Variants in USP37 observed in about 807,000 individuals in gnomAD.
USP37 encodes ubiquitin carboxyl-terminal hydrolase 37.
A neutral mutation model predicts 124.0 loss-of-function variants in USP37; 27 were observed. The ratio of observed to expected loss-of-function variants is 0.22; its 90% CI spans 0.16 to 0.30. The LOEUF is 0.30. Among genes scored for constraint, USP37 ranks in the 10% least tolerant of loss-of-function variants. USP37 has a pLI of 1.00. For missense variants in USP37, 889 were observed against 1,140.4 expected, an observed-to-expected ratio of 0.78 and a Z score of 3.17; for synonymous variants, 365 against 388.0, an observed-to-expected ratio of 0.94 and a Z score of 0.70.
At chr2:218,505,536 T>TTA (rs1689631001) in intron 11 of USP37, among the ~76,000 whole-genome samples, 1 of 152,194 alleles carries the variant, frequency 6.6e-6, no homozygotes, top group South Asian at 2.1e-4. Flanking sequence ...TTTCTCTAGC[T>TTA]TGCATATTTG....
At chr2:218,544,406 A>AATATATAT (rs1198499526) in intron 8 of USP37, among the ~76,000 whole-genome samples, 6 of 82,974 alleles carry the variant, frequency 7.2e-5, no homozygotes, top group African/African-American at 3.5e-4. Context: ...AAAAAAAAAA[A>AATATATAT]ATATATATAT....
At chr2:218,562,926 G>A (rs1693383502) in intron 1 of USP37, 113 bp from the exon 2 acceptor site, 1 of 379,568 alleles carries the variant, frequency 2.6e-6, no homozygotes, top group Admixed American at 4.5e-5. Context: ...CACTTTGAGA[G>A]GTGGAGGCGG....
At chr2:218,553,350 C>T (rs555161713) in intron 5 of USP37, among the ~76,000 whole-genome samples, 5 of 152,262 alleles carry the variant, frequency 3.3e-5, no homozygotes, top group South Asian at 2.1e-4. Flanking sequence ...ATGTGGTTTT[C>T]GTCCTTCATT....
At position 218,558,691 on chromosome 2, in the gene USP37, CAA is replaced by C; in HGVS notation, c.-24-16_-24-15del. The C allele has an allele frequency of 1.3e-6, 2 of 1,552,202 alleles. No homozygotes were observed. The highest frequency in any genetic ancestry group is 4.5e-5 in the East Asian group (2 of 44,016). On this transcript the variant is annotated splice_polypyrimidine_tract_variant and intron_variant, in intron 3 of 25. Coordinates refer to ENST00000258399, the MANE Select transcript of USP37 (RefSeq NM_020935.3). Reference sequence around the variant, plus strand: ...AATTGCTTCTGGCTAAATTAAAAAGCAAAAATATACCTTTACCTGGCAGGTTC... The same window carrying C: ...AATTGCTTCTGGCTAAATTAAAAAGCAAATATACCTTTACCTGGCAGGTTC...
chr2:218,509,694 A>C (rs1274929403), intron 11 of USP37, among the ~76,000 whole-genome samples: 1 of 152,206 alleles, frequency 6.6e-6, no homozygotes, highest in Non-Finnish European at 1.5e-5. Flanking sequence ...AAATATATAA[A>C]AAATGTTGAA....
chr2:218,511,713 C>A (rs924633708), intron 10 of USP37, among the ~76,000 whole-genome samples: 1 of 152,096 alleles, frequency 6.6e-6, no homozygotes, highest in Non-Finnish European at 1.5e-5. Context: ...TCCCAAAGTG[C>A]TAGGATTACA....
In USP37 at chr2:218,528,581, T is replaced by C. The variant is rs1691111792; in HGVS notation, c.863+1375A>G. 3 of 392,326 alleles carry C rather than the reference T, an allele frequency of 7.6e-6. No individual in the cohort carries two copies. The East Asian group carries it at 1.1e-4, about 14-fold the overall frequency. The allele number at this position is 392,326 out of a possible 1,614,324, so 24.3% of individuals were successfully genotyped here. On this transcript the variant is annotated intron_variant, in intron 10 of 25. Transcript: ENST00000258399. ...GAATGATGGTTTTCAGCTTCATCCA[T>C]GTCTCTGCAAAGGACATGAACTCAT... is the stretch of plus-strand genomic sequence containing the variant.
Position 218,530,011 on chromosome 2 carries a change from A to G in USP37, c.808T>C (p.Tyr270His). Reference sequence around the variant, plus strand: ...TCCTTGGATCCAGCTCTGCTACCATAAAAGGATGATGACTGTAAAGGTAAA... The same window carrying G: ...TCCTTGGATCCAGCTCTGCTACCATGAAAGGATGATGACTGTAAAGGTAAA... ...GLLPLQSSSF[Y>H]GSRAGSKEHS... The change falls in exon 10 of 26, where the codon TAT becomes CAT. Residue 270 changes from tyrosine (Y) to histidine (H), a missense_variant. Around this residue, in one of 3 missense-constraint regions of USP37, gnomAD observed 374 missense variants for 386.0 expected, o/e 0.97. Coordinates refer to ENST00000258399, the MANE Select transcript of USP37 (RefSeq NM_020935.3). 1.9e-6 allele frequency: 3 copies of G among 1,613,488 alleles called. No homozygotes were observed. The highest frequency in any genetic ancestry group is 2.5e-6 in the Non-Finnish European group (3 of 1,179,818).
intron 23 of USP37, among the ~76,000 whole-genome samples, chr2:218,459,571 C>G (rs959212973): frequency 6.6e-6 from 1 of 151,882 alleles, no homozygotes; most frequent in East Asian, 1.9e-4. Flanking sequence ...GTAAAGTGGT[C>G]AGGATGTATT....
At chr2:218,529,234 G>A (rs137998651) in intron 10 of USP37, among the ~76,000 whole-genome samples, 76 of 152,258 alleles carry the variant, frequency 5.0e-4, no homozygotes, top group African/African-American at 1.7e-3. Flanking sequence ...GGTCGGATGC[G>A]ATGGCTCACG....
At chr2:218,500,091 T>G (rs530459723) in intron 11 of USP37, among the ~76,000 whole-genome samples, 1 of 151,684 alleles carries the variant, frequency 6.6e-6, no homozygotes, top group Non-Finnish European at 1.5e-5. Flanking sequence ...TTTTTCTTTT[T>G]TTAGACAGAG....
intron 10 of USP37, among the ~76,000 whole-genome samples, chr2:218,521,473 A>T (rs970746505): frequency 6.6e-6 from 1 of 151,918 alleles, no homozygotes; most frequent in Non-Finnish European, 1.5e-5. Context: ...ATTTGTCCTA[A>T]TGCCCTCCCC....
At position 218,451,072 on chromosome 2, in the gene USP37, ATT is replaced by A. The variant is rs751164316; in HGVS notation, c.*3856_*3857del. ...TAGAATTTTCCAATAAAAAATATAT[ATT>A]TTTTCAGATGTTAATAAGACATATC... is the stretch of plus-strand genomic sequence containing the variant. On this transcript the variant is annotated 3_prime_UTR_variant, in exon 26 of 26. Coordinates refer to ENST00000258399, the MANE Select transcript of USP37 (RefSeq NM_020935.3). The A allele has an allele frequency of 1.3e-5, 2 of 152,220 alleles. No homozygotes were observed. Among genetic ancestry groups the A allele is most frequent in the Non-Finnish European group, 1.5e-5 (1 of 68,012 alleles). The allele number at this position is 152,220 out of a possible 1,614,324, so 9.4% of individuals were successfully genotyped here. A position where few individuals can be genotyped will look rare whatever the true frequency, so the allele number is the denominator to read the frequency against.
chr2:218,489,871 T>C lies in USP37; in HGVS notation c.1473-1450A>G, dbSNP rs561815218. ...TGGGATTATGCAATATGTTTTCTTT[T>C]AGTTGGCCCCTCTTTTGTTCAGCAT... is the stretch of plus-strand genomic sequence containing the variant. On this transcript the variant is annotated intron_variant, in intron 14 of 25. Coordinates refer to ENST00000258399, the MANE Select transcript of USP37 (RefSeq NM_020935.3). Among the ~76,000 whole-genome samples the C allele has an allele frequency of 1.6e-4, 25 of 152,346 alleles. 1 individual carries two copies. In the South Asian group the frequency reaches 4.1e-3, roughly 25 times the overall value.
At chr2:218,499,465 C>G (rs374534164) in intron 11 of USP37, among the ~76,000 whole-genome samples, 4 of 151,960 alleles carry the variant, frequency 2.6e-5, no homozygotes, top group East Asian at 3.9e-4. Context: ...TTTATTAAAC[C>G]CCTTTAGTTC....
At chr2:218,469,367 C>T (rs1475659392) in intron 20 of USP37, among the ~76,000 whole-genome samples, 1 of 152,090 alleles carries the variant, frequency 6.6e-6, no homozygotes, top group Admixed American at 6.6e-5. Context: ...TTATTTGACT[C>T]AACCAATCAG....
At chr2:218,512,339 T>A (rs1440774657) in intron 10 of USP37, among the ~76,000 whole-genome samples, 1 of 151,978 alleles carries the variant, frequency 6.6e-6, no homozygotes, top group Non-Finnish European at 1.5e-5. Flanking sequence ...AAACCCTGTC[T>A]CTACTAAAAA....
chr2:218,495,944 G>T lies in USP37; in HGVS notation c.1288C>A (p.His430Asn). 1.2e-6 allele frequency: 2 copies of T among 1,608,618 alleles called. No homozygotes were observed. The highest frequency in any genetic ancestry group is 1.1e-5 in the South Asian group (1 of 90,276). ...RFSGYMQNDAHEFLSQCLDQL... is the reference protein window; with the variant it reads ...RFSGYMQNDANEFLSQCLDQL... ...TCCAAACACTGACTTAAAAATTCAT[G>T]AGCATCCTAATAAGACAACAATATC... The change falls in exon 14 of 26, where the codon CAT (histidine) becomes AAT (asparagine). Residue 430 changes from histidine (H) to asparagine (N), a missense_variant. By Grantham distance (68) the His-to-Asn change is moderately conservative. Coordinates refer to ENST00000258399, the MANE Select transcript of USP37 (RefSeq NM_020935.3).
At chr2:218,515,004 T>A (rs1690195500) in intron 10 of USP37, among the ~76,000 whole-genome samples, 1 of 152,162 alleles carries the variant, frequency 6.6e-6, no homozygotes, top group Non-Finnish European at 1.5e-5. Context: ...TCCTCATACT[T>A]TTTTGTGCAT....
Sources: gnomAD v4.1 joint callset for allele counts (sites outside exome capture counted in the v4.1 genomes callset) on GRCh38, gnomAD v4.1.1 for gene constraint, gnomAD v4.1.1 regional missense constraint, MANE v1.5 for transcripts, NCBI Gene and HGNC (gene_info 2026-07-23, HGNC 2026-07-21) for gene names.